The following UMPS variants were observed in gnomAD, a reference collection of about 807,000 sequenced individuals.
The protein encoded by UMPS is uridine 5'-monophosphate synthase.
In UMPS, 21 loss-of-function variants were observed where a neutral mutation model predicts 38.9. The ratio of observed to expected loss-of-function variants is 0.54; its 90% CI spans 0.38 to 0.78. UMPS has a LOEUF of 0.78. Among genes scored for constraint, UMPS ranks in the 30% least tolerant of loss-of-function variants. The probability of loss-of-function intolerance (pLI) is 0.00; values close to 1 mark genes in which losing one functional copy is unlikely to be tolerated. For synonymous variants in UMPS, 208 were observed against 219.3 expected (o/e 0.95, Z 0.45); for missense variants, 533 against 591.6 (o/e 0.90, Z 1.03).
chr3:124,745,268 T>A lies in UMPS; in HGVS notation c.*1184T>A, dbSNP rs1284906373. On this transcript the variant is annotated 3_prime_UTR_variant, in exon 6 of 6. Transcript: ENST00000232607. ...ACCAGCACACTCACATTCCTTCTCA[T>A]TTGGGGCCCACCTGCAGGAAGTGGC... 1 of 454,106 alleles carries A rather than the reference T, an allele frequency of 2.2e-6. No homozygotes were observed. The highest frequency in any genetic ancestry group is 1.6e-5 in the South Asian group (1 of 64,476). The allele number at this position is 454,106 out of a possible 1,614,324, so 28.1% of individuals were successfully genotyped here. A position where few individuals can be genotyped will look rare whatever the true frequency, so the allele number is the denominator to read the frequency against.
At chr3:124,735,583 TA>T (rs1294787159) in intron 2 of UMPS, among the ~76,000 whole-genome samples, 1 of 152,174 alleles carries the variant, frequency 6.6e-6, no homozygotes, top group African/African-American at 2.4e-5. Flanking sequence ...TCATGAAAAG[TA>T]ATCCATGGAT....
intron 2 of UMPS, 67 bp from the exon 3 acceptor site, chr3:124,737,501 T>A: frequency 6.9e-7 from 1 of 1,452,948 alleles, no homozygotes; most frequent in East Asian, 2.3e-5. Flanking sequence ...ACAGAGTGTG[T>A]GTACGTATAT....
chr3:124,741,457 T>G (rs568010360), intron 4 of UMPS, among the ~76,000 whole-genome samples: 3 of 152,164 alleles, frequency 2.0e-5, no homozygotes, highest in African/African-American at 7.2e-5. Context: ...TGTGAGATAA[T>G]AGTATAGAAA....
rs1242216298 is a variant in UMPS, at chr3:124,745,664, G to T, written c.*1580G>T. 1 of 453,958 alleles carries T rather than the reference G, an allele frequency of 2.2e-6. No homozygotes were observed. Among genetic ancestry groups the T allele is most frequent in the African/African-American group, 2.0e-5 (1 of 50,000 alleles). 28.1% of individuals were successfully genotyped at this position (453,958 alleles called of 1,614,324 possible). On this transcript the variant is annotated 3_prime_UTR_variant, in exon 6 of 6. Transcript: ENST00000232607. ...GAGACCAACTCTCAAGGAAGAAGTG[G>T]CCACAGAAGGAGCAGGAAGGGAGTT...
chr3:124,735,827 A>C (rs1373278605), intron 2 of UMPS, among the ~76,000 whole-genome samples: 1 of 152,198 alleles, frequency 6.6e-6, no homozygotes, highest in African/African-American at 2.4e-5. Context: ...AAATACAAAA[A>C]TTAGCTGGGC....
At chr3:124,735,036 T>A (rs1406643533) in intron 1 of UMPS, 57 bp from the exon 2 acceptor site, 4 of 1,464,874 alleles carry the variant, frequency 2.7e-6, no homozygotes, top group Non-Finnish European at 3.7e-6. Context: ...ATAAAAAATA[T>A]AAAATAAAAT....
Position 124,744,380 on chromosome 3 carries a change from CTCT to C in UMPS, c.*297_*299del. 1 of 499,210 alleles carries C rather than the reference CTCT, an allele frequency of 2.0e-6. No individual in the cohort carries two copies. Among genetic ancestry groups the C allele is most frequent in the Admixed American group, 2.3e-5 (1 of 43,820 alleles). The allele number at this position is 499,210 out of a possible 1,614,324, so 30.9% of individuals were successfully genotyped here. A position where few individuals can be genotyped will look rare whatever the true frequency, so the allele number is the denominator to read the frequency against. The stretch of plus-strand genomic sequence containing the variant: ...TTCCACATTTGAGGATCCTTCCTAT[CTCT>C]CCATGGGACTAGACTGCTTTGTTAT... On this transcript the variant is annotated 3_prime_UTR_variant, in exon 6 of 6. Coordinates refer to ENST00000232607, the MANE Select transcript of UMPS (RefSeq NM_000373.4).
rs1164025583 is a variant in UMPS at position 124,746,699 on chromosome 3, C to A, written c.*2615C>A. Reference sequence around the variant, plus strand: ...TGTGAGACTGATGGAGTGGAGAACGCCATCCCCCAGCCTCTCCAGCTACTC... The same window carrying A: ...TGTGAGACTGATGGAGTGGAGAACGACATCCCCCAGCCTCTCCAGCTACTC... On this transcript the variant is annotated 3_prime_UTR_variant, in exon 6 of 6. Coordinates refer to ENST00000232607, the MANE Select transcript of UMPS (RefSeq NM_000373.4). The A allele has an allele frequency of 6.6e-6, 3 of 452,472 alleles. No individual in the cohort carries two copies. In the Admixed American group the frequency reaches 7.1e-5, roughly 11 times the overall value. 28.0% of individuals were successfully genotyped at this position (452,472 alleles called of 1,614,324 possible).
chr3:124,730,545 AC>A lies in UMPS; in HGVS notation c.75del (p.Phe26SerfsTer3). On this transcript the variant is annotated frameshift_variant, in exon 1 of 6. Coordinates refer to ENST00000232607, the MANE Select transcript of UMPS (RefSeq NM_000373.4). LOFTEE classifies it high-confidence loss of function. ...GACGTGCAGGCTTTCAAGTTTGGGG[AC>A]TTCGTGCTGAAGAGCGGGCTTTCCT... ...LYDVQAFKFG[D>X]FVLKSGLSSP... is the part of the protein sequence containing the mutation. 6.2e-7 allele frequency: 1 copy of A among 1,613,890 alleles called. No homozygotes were observed. The highest frequency in any genetic ancestry group is 1.3e-5 in the African/African-American group (1 of 74,994).
At position 124,747,031 on chromosome 3, in the gene UMPS, G is replaced by C; in HGVS notation, c.*2947G>C. The C allele has an allele frequency of 2.2e-6, 1 of 451,674 alleles. No homozygotes were observed. Among genetic ancestry groups the C allele is most frequent in the Non-Finnish European group, 4.4e-6 (1 of 226,130 alleles). The allele number at this position is 451,674 out of a possible 1,614,324, so 28.0% of individuals were successfully genotyped here. On this transcript the variant is annotated 3_prime_UTR_variant, in exon 6 of 6. Transcript: ENST00000232607. ...TGTTTTGTTTTGTTTGTTTGATACA[G>C]GGTCTTCACTCTGTTGCCCAGGCTG...
At chr3:124,731,174 C>A (rs189786681) in intron 1 of UMPS, among the ~76,000 whole-genome samples, 1 of 152,084 alleles carries the variant, frequency 6.6e-6, no homozygotes, top group African/African-American at 2.4e-5. Context: ...CCACTGCACT[C>A]CAGCCTGGGC....
At position 124,738,060 on chromosome 3, in the gene UMPS, A is replaced by G. The variant is rs2063529956; in HGVS notation, c.803A>G (p.Gln268Arg). The change falls in exon 3 of 6, where the codon CAG (glutamine) becomes CGG (arginine). Residue 268 changes from glutamine to arginine, a missense_variant. By Grantham distance (43) the Gln-to-Arg change is conservative (BLOSUM62 1). Coordinates refer to ENST00000232607, the MANE Select transcript of UMPS (RefSeq NM_000373.4). The part of the protein sequence containing the change: ...ADVSLARELL[Q>R]LADALGPSIC... ...GTTTCACTGGCCAGAGAGCTGTTGC[A>G]GCTAGCAGATGCTTTAGGACCTAGT... The G allele has an allele frequency of 1.2e-6, 2 of 1,614,154 alleles. No individual in the cohort carries two copies. The highest frequency in any genetic ancestry group is 2.7e-5 in the African/African-American group (2 of 74,958).
intron 1 of UMPS, among the ~76,000 whole-genome samples, chr3:124,733,960 A>T (rs1206273763): frequency 6.6e-6 from 1 of 152,230 alleles, no homozygotes; most frequent in Non-Finnish European, 1.5e-5. Flanking sequence ...GAGTGAAAAT[A>T]TGAGTTGGAA....
intron 3 of UMPS, 142 bp downstream of exon 3, chr3:124,738,381 T>G: frequency 1.2e-6 from 1 of 807,518 alleles, no homozygotes; most frequent in South Asian, 1.5e-5. Context: ...AAGTGATATC[T>G]TCATGACTTG....
intron 2 of UMPS, 117 bp from the exon 3 acceptor site, chr3:124,737,451 T>C: frequency 2.2e-6 from 2 of 905,378 alleles, no homozygotes; most frequent in Non-Finnish European, 1.8e-6. Context: ...ACAGAATTGG[T>C]ATACACATAT....
chr3:124,748,491 G>A lies in UMPS; in HGVS notation c.*4407G>A, dbSNP rs2063619735. On this transcript the variant is annotated 3_prime_UTR_variant, in exon 6 of 6. Coordinates refer to ENST00000232607, the MANE Select transcript of UMPS (RefSeq NM_000373.4). Reference sequence around the variant, plus strand: ...TCTAAAGTTCAAGGTTTTGGCATAAGTCTGGTTTAGAAGCACATTTGCCTA... The same window carrying A: ...TCTAAAGTTCAAGGTTTTGGCATAAATCTGGTTTAGAAGCACATTTGCCTA... The A allele has an allele frequency of 2.2e-6, 1 of 453,860 alleles. No homozygotes were observed. The highest frequency in any genetic ancestry group is 6.9e-5 in the East Asian group (1 of 14,418). The allele number at this position is 453,860 out of a possible 1,614,324, so 28.1% of individuals were successfully genotyped here.
At chr3:124,733,917 A>C (rs2063498467) in intron 1 of UMPS, among the ~76,000 whole-genome samples, 1 of 152,232 alleles carries the variant, frequency 6.6e-6, no homozygotes, top group African/African-American at 2.4e-5. Context: ...ATAATCATAT[A>C]TTACTTTAGA....
At chr3:124,735,991 C>G (rs2063515856) in intron 2 of UMPS, among the ~76,000 whole-genome samples, 1 of 151,822 alleles carries the variant, frequency 6.6e-6, no homozygotes, top group Admixed American at 6.6e-5. Context: ...AAAAAAAACC[C>G]TGAAAATTGG....
rs901293478 is a variant in UMPS at position 124,748,414 on chromosome 3, G to A, written c.*4330G>A. ...TTTCCCCATAACCCTTCCAAAGGAA[G>A]GCCGCAATAGAAATACAAAGAGAAA... On this transcript the variant is annotated 3_prime_UTR_variant, in exon 6 of 6. Transcript: ENST00000232607. 2 of 453,814 alleles carry A rather than the reference G, an allele frequency of 4.4e-6. No homozygotes were observed. The highest frequency in any genetic ancestry group is 2.4e-5 in the Admixed American group (1 of 42,536). 28.1% of individuals were successfully genotyped at this position (453,814 alleles called of 1,614,324 possible).
Sources: gnomAD v4.1 joint callset for allele counts (sites outside exome capture counted in the v4.1 genomes callset) on GRCh38, gnomAD v4.1.1 for gene constraint, MANE v1.5 for transcripts, NCBI Gene and HGNC (gene_info 2026-07-23, HGNC 2026-07-21) for gene names.